GALNT18: variants seen among roughly 807,000 people sequenced by gnomAD.
GALNT18 encodes the protein GalNAc-transferase 18.
Under a neutral mutation model 69.5 loss-of-function variants are expected in GALNT18, and 44 were observed. That is an observed-to-expected ratio of 0.63 (90% CI 0.50 to 0.81). GALNT18 has a LOEUF of 0.81. Among genes scored for constraint, GALNT18 ranks in the 40% least tolerant of loss-of-function variants. The pLI, the probability that GALNT18 is intolerant of heterozygous loss-of-function variation, is 0.00. For missense variants in GALNT18, 715 were observed against 810.0 expected (o/e 0.88, Z 1.42); for synonymous variants, 364 against 318.2 (o/e 1.14, Z -1.53).
chr11:11,310,156 C>T (rs1213105068), intron 9 of GALNT18, among the ~76,000 whole-genome samples: 1 of 152,164 alleles, frequency 6.6e-6, no homozygotes, highest in Non-Finnish European at 1.5e-5. Context: ...CTGCCATGTC[C>T]TCCCAGACAT....
At chr11:11,468,701 T>G (rs1484408944) in intron 1 of GALNT18, among the ~76,000 whole-genome samples, 1 of 152,074 alleles carries the variant, frequency 6.6e-6, no homozygotes, top group Non-Finnish European at 1.5e-5. Flanking sequence ...GTTAAGATTC[T>G]CGGGTCTGGG....
intron 1 of GALNT18, among the ~76,000 whole-genome samples, chr11:11,572,668 C>T (rs1223196743): frequency 6.6e-6 from 1 of 152,110 alleles, no homozygotes; most frequent in Non-Finnish European, 1.5e-5. Context: ...CAGGAGGACC[C>T]CTGAACATTC....
Position 11,413,692 on chromosome 11 carries a change from T to C in GALNT18, c.595+18929A>G, listed in dbSNP as rs1479615178. 6.6e-6 allele frequency among the ~76,000 whole-genome samples: 1 copy of C among 152,184 alleles called. No individual in the cohort carries two copies. The highest frequency in any genetic ancestry group is 1.5e-5 in the Non-Finnish European group (1 of 68,038). On this transcript the variant is annotated intron_variant, in intron 3 of 10. Coordinates refer to ENST00000227756, the MANE Select transcript of GALNT18 (RefSeq NM_198516.3). The surrounding 1 kb of genome is among the most constrained non-coding windows in gnomAD (Gnocchi z 4.7). ...AGAGGGAGTCTGGGAAGTTGACTAC[T>C]CCAGGGGTCCAGGCCCTGGTTCTTT... is the stretch of plus-strand genomic sequence containing the variant.
chr11:11,272,980 AAATGC>A (rs1250311818), intron 10 of GALNT18, among the ~76,000 whole-genome samples: 17 of 151,016 alleles, frequency 1.1e-4, no homozygotes, highest in Admixed American at 5.5e-4. Context: ...TTGCCTGAGA[AAATGC>A]AAAAGAATGA....
chr11:11,296,300 C>T (rs1564884848), intron 9 of GALNT18, among the ~76,000 whole-genome samples: 2 of 152,138 alleles, frequency 1.3e-5, no homozygotes, highest in Non-Finnish European at 2.9e-5. Flanking sequence ...AAAATAGAAA[C>T]GAGAACCCAC....
rs1187081771 is a variant in GALNT18, at chr11:11,459,623, C to T, written c.236-10687G>A. Among the ~76,000 whole-genome samples, 1 of 152,168 alleles carries T rather than the reference C, an allele frequency of 6.6e-6. No homozygotes were observed. Among genetic ancestry groups the T allele is most frequent in the African/African-American group, 2.4e-5 (1 of 41,448 alleles). ...TTGGCTGTGTGACCCTCATCAAGCTCTTAAACCTCTCTGAAGCTCAGCTTG... is the reference window on the plus strand; with the variant it reads ...TTGGCTGTGTGACCCTCATCAAGCTTTTAAACCTCTCTGAAGCTCAGCTTG... On this transcript the variant is annotated intron_variant, in intron 1 of 10. Transcript: ENST00000227756. The surrounding 1 kb of genome is among the most constrained non-coding windows in gnomAD (Gnocchi z 5.0).
chr11:11,331,223 G>A (rs1850012092), intron 8 of GALNT18, among the ~76,000 whole-genome samples: 1 of 152,180 alleles, frequency 6.6e-6, no homozygotes, highest in African/African-American at 2.4e-5. Flanking sequence ...GCAGAGATGT[G>A]AATTGCACCA....
At chr11:11,559,248 C>T (rs982029413) in intron 1 of GALNT18, among the ~76,000 whole-genome samples, 2 of 152,198 alleles carry the variant, frequency 1.3e-5, no homozygotes, top group Non-Finnish European at 2.9e-5. Flanking sequence ...GAAGCCTCTT[C>T]CGACCACCCC....
intron 3 of GALNT18, among the ~76,000 whole-genome samples, chr11:11,423,235 G>A (rs1855052562): frequency 6.6e-6 from 1 of 152,172 alleles, no homozygotes; most frequent in Non-Finnish European, 1.5e-5. Flanking sequence ...TGCATGCAAG[G>A]CATGCACACA....
intron 10 of GALNT18, among the ~76,000 whole-genome samples, chr11:11,283,771 TTAAG>T (rs1259841149): frequency 2.6e-4 from 39 of 152,194 alleles, no homozygotes; most frequent in African/African-American, 6.3e-4. Flanking sequence ...ATTAAAGAAT[TTAAG>T]TAAGGGCAAT....
At position 11,430,145 on chromosome 11, in the gene GALNT18, T is replaced by TA. The variant is rs774751663; in HGVS notation, c.595+2475dup. 1.1e-4 allele frequency among the ~76,000 whole-genome samples: 17 copies of TA among 151,872 alleles called. No homozygotes were observed. The highest frequency in any genetic ancestry group is 3.4e-4 in the African/African-American group (14 of 41,366). On this transcript the variant is annotated intron_variant, in intron 3 of 10. Transcript: ENST00000227756. This position sits in a 1 kb window ranked among gnomAD's most constrained non-coding sequence, Gnocchi z 4.9. The stretch of plus-strand genomic sequence containing the variant: ...GACCCTGTCTCAAAAAAAACCAAAA[T>TA]AAAAAAAAGAATGCTTTTTAAAACA...
rs1401444664 is a variant in GALNT18, at chr11:11,279,876, C to CTG, written c.1678-8588_1678-8587dup. ...GAAAGTGTGTATTTTATACATGTTT[C>CTG]TGTATGTATCCATGTTCTTCAATTG... is the stretch of plus-strand genomic sequence containing the variant. On this transcript the variant is annotated intron_variant, in intron 10 of 10. Transcript: ENST00000227756. Among the ~76,000 whole-genome samples, 4 of 151,802 alleles carry CTG rather than the reference C, an allele frequency of 2.6e-5. No individual in the cohort carries two copies. The East Asian group carries it at 7.7e-4, about 29-fold the overall frequency.
intron 1 of GALNT18, among the ~76,000 whole-genome samples, chr11:11,455,665 G>A (rs1049223514): frequency 6.6e-6 from 1 of 152,334 alleles, no homozygotes; most frequent in East Asian, 1.9e-4. Flanking sequence ...CATGGAATGG[G>A]GGCAGGAAGA....
chr11:11,368,127 CATT>C (rs1195523833), intron 6 of GALNT18, among the ~76,000 whole-genome samples: 1 of 152,196 alleles, frequency 6.6e-6, no homozygotes, highest in Non-Finnish European at 1.5e-5. Flanking sequence ...GTATTGAAGA[CATT>C]ATATCATAAT....
chr11:11,532,157 C>T (rs1857666180), intron 1 of GALNT18, among the ~76,000 whole-genome samples: 1 of 152,030 alleles, frequency 6.6e-6, no homozygotes. Context: ...CAGCTCAACA[C>T]TAAGCCCCTG....
In GALNT18 at chr11:11,556,528, A is replaced by G. The variant is rs1858336922; in HGVS notation, c.235+64831T>C. 2.0e-5 allele frequency among the ~76,000 whole-genome samples: 3 copies of G among 152,338 alleles called. No individual in the cohort carries two copies. In the South Asian group the frequency reaches 6.2e-4, roughly 32 times the overall value. On this transcript the variant is annotated intron_variant, in intron 1 of 10. Coordinates refer to ENST00000227756, the MANE Select transcript of GALNT18 (RefSeq NM_198516.3). The stretch of plus-strand genomic sequence containing the variant: ...TGAGTAAAAGTAGAACTAAATACAA[A>G]AATCTAACTTCTCACTGGCTCCAGT...
chr11:11,376,109 G>A (rs888927904), intron 5 of GALNT18, among the ~76,000 whole-genome samples: 5 of 152,162 alleles, frequency 3.3e-5, no homozygotes, highest in Non-Finnish European at 7.3e-5. Flanking sequence ...TAGGCCAGGC[G>A]CAGTGGCTCA....
chr11:11,295,218 G>C (rs781044468), intron 9 of GALNT18, among the ~76,000 whole-genome samples: 3 of 152,088 alleles, frequency 2.0e-5, no homozygotes, highest in Non-Finnish European at 2.9e-5. Flanking sequence ...GGGCAGGCAG[G>C]GTGTTCCCTT....
rs756574155 is a variant in GALNT18 at position 11,603,056 on chromosome 11, G to A, written c.235+18303C>T. ...CTCTGGTTATCCTGAAAAGTTCAAA[G>A]GGACTATTGGCTGGTACAAAGTCTT... On this transcript the variant is annotated intron_variant, in intron 1 of 10. Coordinates refer to ENST00000227756, the MANE Select transcript of GALNT18 (RefSeq NM_198516.3). This position sits in a 1 kb window ranked among gnomAD's most constrained non-coding sequence, Gnocchi z 4.5. 6.6e-6 allele frequency among the ~76,000 whole-genome samples: 1 copy of A among 152,198 alleles called. No homozygotes were observed. Among genetic ancestry groups the A allele is most frequent in the Non-Finnish European group, 1.5e-5 (1 of 68,032 alleles).
Sources: allele counts gnomAD v4.1 joint callset (sites outside exome capture counted in the v4.1 genomes callset), GRCh38; gene constraint gnomAD v4.1.1; non-coding constraint Gnocchi (gnomAD v3.1); transcripts MANE v1.5; gene names NCBI Gene and HGNC (gene_info 2026-07-23, HGNC 2026-07-21).